Variants in TFEC observed in about 807,000 individuals in gnomAD.
TFEC encodes transcription factor EC.
TFEC carries 31 observed loss-of-function variants against 41.6 expected under a neutral mutation model. The ratio of observed to expected loss-of-function variants is 0.74; its 90% CI spans 0.56 to 1.01. The LOEUF (loss-of-function observed/expected upper bound fraction) is 1.01. TFEC is among the 50% of genes least tolerant of loss of function. The pLI is 0.00. For synonymous variants in TFEC, 143 were observed against 140.6 expected (o/e 1.02, Z -0.12); for missense variants, 402 against 404.1 (o/e 0.99, Z 0.04).
chr7:116,054,239 A>G (rs1796378577), intron 3 of TFEC, among the ~76,000 whole-genome samples: 1 of 152,216 alleles, frequency 6.6e-6, no homozygotes, highest in African/African-American at 2.4e-5. Context: ...GAGCAAAAAG[A>G]ATGAATGTTG....
intron 1 of TFEC, chr7:116,157,368 T>A (rs1314434693): frequency 6.7e-6 from 1 of 150,350 alleles, no homozygotes; most frequent in African/African-American, 2.5e-5. Context: ...GTCCTAGATG[T>A]TCCAAAAAAA....
intron 3 of TFEC, among the ~76,000 whole-genome samples, chr7:115,959,762 G>C (rs951876924): frequency 5.9e-5 from 9 of 151,538 alleles, no homozygotes; most frequent in Non-Finnish European, 1.0e-4. Context: ...AAACGAATTG[G>C]TAAAATATAA....
At chr7:116,022,957 T>C (rs1795454542) in intron 1 of TFEC, among the ~76,000 whole-genome samples, 1 of 152,092 alleles carries the variant, frequency 6.6e-6, no homozygotes, top group African/African-American at 2.4e-5. Context: ...CTGTCTGTGA[T>C]CAAACAGCTG....
At chr7:115,943,857 A>G (rs1793636119) in intron 6 of TFEC, among the ~76,000 whole-genome samples, 1 of 151,394 alleles carries the variant, frequency 6.6e-6, no homozygotes, top group Non-Finnish European at 1.5e-5. Flanking sequence ...AGATAATACA[A>G]ATGTATAAAT....
chr7:116,027,429 CA>C (rs990211233), intron 1 of TFEC, among the ~76,000 whole-genome samples: 1 of 151,748 alleles, frequency 6.6e-6, no homozygotes, highest in African/African-American at 2.4e-5. Context: ...CAAAAAAATA[CA>C]AAAAAATAAA....
At chr7:116,085,698 C>T (rs1282000618) in intron 3 of TFEC, among the ~76,000 whole-genome samples, 4 of 151,782 alleles carry the variant, frequency 2.6e-5, no homozygotes, top group African/African-American at 9.7e-5. Context: ...CAAAATGAAG[C>T]TAAAATGAAA....
At chr7:116,065,113 A>G (rs1352648716) in intron 3 of TFEC, among the ~76,000 whole-genome samples, 1 of 152,166 alleles carries the variant, frequency 6.6e-6, no homozygotes, top group South Asian at 2.1e-4. Context: ...CGAAAAGGAG[A>G]CTTAGATGAT....
intron 1 of TFEC, among the ~76,000 whole-genome samples, chr7:115,988,833 GA>G (rs978816478): frequency 3.3e-5 from 5 of 151,704 alleles, no homozygotes; most frequent in African/African-American, 9.7e-5. Flanking sequence ...CAAAGATAAA[GA>G]AAAAAACTCT....
chr7:116,137,799 TAA>T (rs1798462306), intron 1 of TFEC, among the ~76,000 whole-genome samples: 2 of 152,100 alleles, frequency 1.3e-5, no homozygotes, highest in Admixed American at 6.6e-5. Context: ...ACTAAATACC[TAA>T]GACATTTTTA....
rs1019000096 is a variant in TFEC at position 115,975,888 on chromosome 7, G to A, written c.181-1632C>T. On this transcript the variant is annotated intron_variant, in intron 2 of 7. Coordinates refer to ENST00000265440, the MANE Select transcript of TFEC (RefSeq NM_012252.4). ...CACTAATGGGAATAGAGCAGAGTGC[G>A]CAAAGGCAAGAGCGGTTAGAGATGA... Among the ~76,000 whole-genome samples, 5 of 152,232 alleles carry A rather than the reference G, an allele frequency of 3.3e-5. No homozygotes were observed. The South Asian group carries it at 6.2e-4, about 19-fold the overall frequency.
chr7:116,083,831 T>C (rs1277885730), intron 3 of TFEC, among the ~76,000 whole-genome samples: 2 of 151,944 alleles, frequency 1.3e-5, no homozygotes, highest in African/African-American at 4.8e-5. Context: ...CTACAAGTTC[T>C]TACTTGGCCA....
At chr7:115,972,699 A>G (rs1793188443) in intron 3 of TFEC, among the ~76,000 whole-genome samples, 1 of 152,228 alleles carries the variant, frequency 6.6e-6, no homozygotes, top group Non-Finnish European at 1.5e-5. Context: ...AAATACACTT[A>G]GACCAGTAGT....
chr7:116,078,812 C>T (rs1422742048), intron 3 of TFEC, among the ~76,000 whole-genome samples: 1 of 152,052 alleles, frequency 6.6e-6, no homozygotes, highest in Non-Finnish European at 1.5e-5. Flanking sequence ...AAGAGGGAAT[C>T]CTCCCTTAAT....
At chr7:116,071,335 A>G (rs1199182947) in intron 3 of TFEC, among the ~76,000 whole-genome samples, 1 of 150,758 alleles carries the variant, frequency 6.6e-6, no homozygotes, top group Non-Finnish European at 1.5e-5. Flanking sequence ...TCATCACAGC[A>G]GGCATACTAG....
At chr7:116,136,132 G>A (rs960144671) in intron 1 of TFEC, among the ~76,000 whole-genome samples, 17 of 151,898 alleles carry the variant, frequency 1.1e-4, no homozygotes, top group Admixed American at 9.2e-4. Context: ...TGTACTCAGT[G>A]TATAGGAATT....
At chr7:116,093,246 T>C (rs1015908323) in intron 3 of TFEC, among the ~76,000 whole-genome samples, 7 of 152,206 alleles carry the variant, frequency 4.6e-5, no homozygotes, top group Non-Finnish European at 8.8e-5. Flanking sequence ...AGAATATATA[T>C]GTTTGAAAAA....
At chr7:115,993,173 C>A (rs1320046185) in intron 1 of TFEC, among the ~76,000 whole-genome samples, 1 of 152,186 alleles carries the variant, frequency 6.6e-6, no homozygotes, top group African/African-American at 2.4e-5. Context: ...ATGCTAAAAA[C>A]TCTCAATAAA....
At chr7:116,109,750 A>ATG (rs907581751) in intron 3 of TFEC, among the ~76,000 whole-genome samples, 14 of 152,356 alleles carry the variant, frequency 9.2e-5, no homozygotes, top group African/African-American at 3.4e-4. Flanking sequence ...ATTATAAGTC[A>ATG]TGCTGCTATA....
At chr7:116,141,994 C>T (rs1798550874) in intron 1 of TFEC, among the ~76,000 whole-genome samples, 2 of 152,270 alleles carry the variant, frequency 1.3e-5, no homozygotes, top group Non-Finnish European at 2.9e-5. Flanking sequence ...TGGGGTTTAT[C>T]TCTTTTCATC....
Sources: allele counts gnomAD v4.1 joint callset (sites outside exome capture counted in the v4.1 genomes callset), GRCh38; gene constraint gnomAD v4.1.1; transcripts MANE v1.5; gene names NCBI Gene and HGNC (gene_info 2026-07-23, HGNC 2026-07-21).